Variants in LRP2BP observed in about 807,000 individuals in gnomAD.
LRP2BP encodes the protein LRP2-binding protein.
Under a neutral mutation model 45.2 loss-of-function variants are expected in LRP2BP, and 38 were observed. The ratio of observed to expected loss-of-function variants is 0.84; its 90% confidence interval spans 0.65 to 1.10. The LOEUF is 1.10. Ranked by LOEUF, LRP2BP falls within the 50% of genes least tolerant of loss-of-function variation. The pLI is 0.00. For synonymous variants in LRP2BP, 153 were observed against 153.9 expected (o/e 0.99, Z 0.04); for missense variants, 385 against 418.9 (o/e 0.92, Z 0.71).
chr4:185,388,259 G>A (rs777961296), intron 1 of LRP2BP, among the ~76,000 whole-genome samples: 1 of 152,126 alleles, frequency 6.6e-6, no homozygotes, highest in Admixed American at 6.5e-5. Context: ...TGATGAGAAC[G>A]TGTTAGGCTG....
In LRP2BP at chr4:185,365,586, C is replaced by T. The variant is rs2095384373; in HGVS notation, c.*1594G>A. On this transcript the variant is annotated 3_prime_UTR_variant, in exon 9 of 9. Transcript: ENST00000505916. ...GGCCAGCCTGGTCTCAAACTCCTGACCTCATGATCTGCCCGCCTCAGCCTC... is the reference window on the plus strand; with the variant it reads ...GGCCAGCCTGGTCTCAAACTCCTGATCTCATGATCTGCCCGCCTCAGCCTC... 3 of 151,648 alleles carry T rather than the reference C, an allele frequency of 2.0e-5. No individual in the cohort carries two copies. The highest frequency in any genetic ancestry group is 7.3e-5 in the African/African-American group (3 of 41,284). 9.4% of individuals were successfully genotyped at this position (151,648 alleles called of 1,614,324 possible).
At chr4:185,378,485 T>C (rs561872292) in intron 1 of LRP2BP, 2 of 1,133,998 alleles carry the variant, frequency 1.8e-6, no homozygotes, top group Non-Finnish European at 2.2e-6. Context: ...GGTTTATACA[T>C]CAAGATGGGT....
At chr4:185,387,962 GAAAGGCTGTGTGACGAGCCCTCGACAGGA>G (rs2126838416) in intron 1 of LRP2BP, among the ~76,000 whole-genome samples, 1 of 152,350 alleles carries the variant, frequency 6.6e-6, no homozygotes, top group African/African-American at 2.4e-5. Context: ...CGTGGAAGTG[GAAAGGCTGTGTGACGAGCCCTCGACAGGA>G]AAAGCGACGC....
intron 1 of LRP2BP, among the ~76,000 whole-genome samples, chr4:185,389,368 C>T (rs1041054850): frequency 6.6e-6 from 1 of 151,650 alleles, no homozygotes; most frequent in African/African-American, 2.4e-5. Context: ...ACCACCACAC[C>T]CGGCTAATTT....
upstream of LRP2BP, chr4:185,396,034 G>A (rs2095501517): frequency 2.4e-5 from 10 of 420,410 alleles, no homozygotes; most frequent in Non-Finnish European, 2.9e-5. Flanking sequence ...GGCTTCACCA[G>A]CCCCGCGGGT....
Position 185,366,137 on chromosome 4 carries a change from T to C in LRP2BP, c.*1043A>G, listed in dbSNP as rs1436303767. On this transcript the variant is annotated 3_prime_UTR_variant, in exon 9 of 9. Transcript: ENST00000505916. ...CTGAGACCTGTCTTCGATATGTATATTTGTTTCACAAATGAATAGCCTTGT... is the reference window on the plus strand; with the variant it reads ...CTGAGACCTGTCTTCGATATGTATACTTGTTTCACAAATGAATAGCCTTGT... The C allele has an allele frequency of 6.6e-6, 1 of 152,258 alleles. No individual in the cohort carries two copies. The highest frequency in any genetic ancestry group is 1.5e-5 in the Non-Finnish European group (1 of 68,050). The allele number at this position is 152,258 out of a possible 1,614,324, so 9.4% of individuals were successfully genotyped here. A position where few individuals can be genotyped will look rare whatever the true frequency, so the allele number is the denominator to read the frequency against.
chr4:185,377,173 T>C lies in LRP2BP; in HGVS notation c.107-155A>G, dbSNP rs568148932. 1.1e-4 allele frequency: 68 copies of C among 628,636 alleles called. No homozygotes were observed. In the East Asian group the frequency reaches 1.5e-3, roughly 14 times the overall value. The allele number at this position is 628,636 out of a possible 1,614,324, so 38.9% of individuals were successfully genotyped here. On this transcript the variant is annotated intron_variant, in intron 2 of 8. Coordinates refer to ENST00000505916, the MANE Select transcript of LRP2BP (RefSeq NM_001377440.1). ...GCCTCCTTAGCTCAAGGAAGAAATA[T>C]TACCTGAAAAAACGTCATGGTCACA... is the stretch of plus-strand genomic sequence containing the variant.
At chr4:185,371,378 A>G (rs2095414624) in intron 7 of LRP2BP, among the ~76,000 whole-genome samples, 1 of 151,572 alleles carries the variant, frequency 6.6e-6, no homozygotes, top group African/African-American at 2.4e-5. Context: ...TCTCTACTAA[A>G]AAAGATACAA....
At chr4:185,376,230 A>T (rs879517537) in intron 3 of LRP2BP, among the ~76,000 whole-genome samples, 1 of 152,184 alleles carries the variant, frequency 6.6e-6, no homozygotes, top group Non-Finnish European at 1.5e-5. Flanking sequence ...TAAGTACTAG[A>T]TAAAAATCAA....
At chr4:185,389,662 T>A (rs1275673525) in intron 1 of LRP2BP, among the ~76,000 whole-genome samples, 1 of 152,178 alleles carries the variant, frequency 6.6e-6, no homozygotes, top group African/African-American at 2.4e-5. Context: ...GTGTCTCAAA[T>A]CATCCAGTAA....
At chr4:185,373,740 G>C (rs1382323222) in intron 6 of LRP2BP, among the ~76,000 whole-genome samples, 1 of 152,168 alleles carries the variant, frequency 6.6e-6, no homozygotes, top group Non-Finnish European at 1.5e-5. Flanking sequence ...TGATGAAAGA[G>C]ATTATATTTC....
At chr4:185,368,520 G>A (rs565477508) in intron 8 of LRP2BP, among the ~76,000 whole-genome samples, 4 of 152,280 alleles carry the variant, frequency 2.6e-5, no homozygotes, top group East Asian at 1.9e-4. Context: ...AGTGAACACC[G>A]CTGTCGGGAC....
intron 1 of LRP2BP, among the ~76,000 whole-genome samples, chr4:185,382,910 A>G (rs192874023): frequency 6.6e-5 from 10 of 152,326 alleles, no homozygotes; most frequent in Admixed American, 4.6e-4. Context: ...CAAGGTCACA[A>G]AAGTTTACCC....
chr4:185,383,349 G>A (rs879800971), intron 1 of LRP2BP, among the ~76,000 whole-genome samples: 16 of 152,204 alleles, frequency 1.1e-4, no homozygotes, highest in South Asian at 8.3e-4. Context: ...GTGTGGTGGT[G>A]CACACCTATA....
At chr4:185,378,945 A>C (rs1288767804) in intron 1 of LRP2BP, 21 of 984,578 alleles carry the variant, frequency 2.1e-5, no homozygotes, top group Non-Finnish European at 2.4e-5. Context: ...GAGAAGAAAT[A>C]GAGAGACCCT....
chr4:185,389,575 A>G lies in LRP2BP; in HGVS notation c.-22+5204T>C, dbSNP rs920394150. Among the ~76,000 whole-genome samples, 8 of 152,316 alleles carry G rather than the reference A, an allele frequency of 5.3e-5. No homozygotes were observed. In the South Asian group the frequency reaches 6.2e-4, roughly 12 times the overall value. ...TGATGCTAAGTTCTATTCAGAGTATATATCTAGTATTCTACATTTTCCAGG... is the reference window on the plus strand; with the variant it reads ...TGATGCTAAGTTCTATTCAGAGTATGTATCTAGTATTCTACATTTTCCAGG... On this transcript the variant is annotated intron_variant, in intron 1 of 8. Transcript: ENST00000505916.
At chr4:185,374,091 T>C (rs776162284) in intron 6 of LRP2BP, 44 bp downstream of exon 6, 6 of 1,494,974 alleles carry the variant, frequency 4.0e-6, no homozygotes, top group Non-Finnish European at 4.6e-6. Flanking sequence ...GAAACAAATA[T>C]TAATCTAAAT....
intron 1 of LRP2BP, among the ~76,000 whole-genome samples, chr4:185,386,563 C>A (rs56015350): frequency 0.15 from 23,312 of 152,086 alleles, 2,083 homozygotes; most frequent in African/African-American, 0.23. Context: ...GGGCATGGGG[C>A]AGGTGGATTC....
chr4:185,393,089 C>T (rs1273121548), intron 1 of LRP2BP, among the ~76,000 whole-genome samples: 1 of 152,144 alleles, frequency 6.6e-6, no homozygotes, highest in Admixed American at 6.5e-5. Context: ...ACGCACCACA[C>T]ACCTGGCTAA....
Sources: allele counts gnomAD v4.1 joint callset (sites outside exome capture counted in the v4.1 genomes callset), GRCh38; gene constraint gnomAD v4.1.1; transcripts MANE v1.5; gene names NCBI Gene and HGNC (gene_info 2026-07-23, HGNC 2026-07-21).